The following SLC25A21 variants were observed in gnomAD, a reference collection of about 807,000 sequenced individuals.
SLC25A21 encodes solute carrier family 25 member 21.
SLC25A21 carries 47 observed loss-of-function variants against 43.8 expected under a neutral mutation model. That is an observed-to-expected ratio of 1.07 (90% CI 0.85 to 1.37). The LOEUF is 1.37. Ranked by LOEUF, SLC25A21 falls within the 40% of genes most tolerant of loss-of-function variation. The pLI, the probability that SLC25A21 is intolerant of heterozygous loss-of-function variation, is 0.00. For synonymous variants in SLC25A21, 131 were observed against 121.3 expected (o/e 1.08, Z -0.52); for missense variants, 352 against 350.2 (o/e 1.00, Z -0.04).
At chr14:36,776,268 G>A (rs1479445426) in intron 3 of SLC25A21, among the ~76,000 whole-genome samples, 1 of 98,510 alleles carries the variant, frequency 1.0e-5, no homozygotes, top group African/African-American at 4.8e-5. Flanking sequence ...ATGGAGTCTC[G>A]CTTTGTGGCC....
At chr14:36,762,624 T>C (rs1886203795) in intron 3 of SLC25A21, among the ~76,000 whole-genome samples, 1 of 152,242 alleles carries the variant, frequency 6.6e-6, no homozygotes. Flanking sequence ...CTATCAAGCA[T>C]TTAAATCTGG....
chr14:37,122,465 A>G (rs781576172), intron 1 of SLC25A21, among the ~76,000 whole-genome samples: 7 of 152,212 alleles, frequency 4.6e-5, no homozygotes, highest in Non-Finnish European at 8.8e-5. Flanking sequence ...AAAAATGGCC[A>G]GGACTCAATT....
At chr14:36,821,424 C>T (rs997195726) in intron 2 of SLC25A21, among the ~76,000 whole-genome samples, 3 of 152,154 alleles carry the variant, frequency 2.0e-5, no homozygotes, top group Non-Finnish European at 2.9e-5. Context: ...ATGTCCATAG[C>T]TTTACTCTTC....
At chr14:37,082,873 G>C (rs879800059) in intron 1 of SLC25A21, among the ~76,000 whole-genome samples, 12 of 152,208 alleles carry the variant, frequency 7.9e-5, no homozygotes, top group Admixed American at 5.9e-4. Context: ...TTTGAACTTT[G>C]CTTTCAACAC....
At chr14:37,062,802 A>G (rs1454221121) in intron 1 of SLC25A21, among the ~76,000 whole-genome samples, 1 of 152,164 alleles carries the variant, frequency 6.6e-6, no homozygotes, top group African/African-American at 2.4e-5. Context: ...GGTGTAATAG[A>G]GAGGCTATCT....
intron 1 of SLC25A21, among the ~76,000 whole-genome samples, chr14:37,066,703 T>C (rs1264566386): frequency 1.3e-5 from 2 of 152,098 alleles, no homozygotes; most frequent in Non-Finnish European, 1.5e-5. Context: ...TATATGTGTG[T>C]ATATACATGT....
At chr14:36,936,519 T>C (rs372843160) in intron 1 of SLC25A21, among the ~76,000 whole-genome samples, 50 of 152,284 alleles carry the variant, frequency 3.3e-4, no homozygotes, top group African/African-American at 1.2e-3. Context: ...GATAGAAATG[T>C]TGACAATGTA....
At chr14:37,103,823 T>G (rs1353143630) in intron 1 of SLC25A21, among the ~76,000 whole-genome samples, 1 of 152,212 alleles carries the variant, frequency 6.6e-6, no homozygotes, top group African/African-American at 2.4e-5. Context: ...CAGGATGAGC[T>G]TGGTACTGAA....
In SLC25A21 at chr14:36,680,512, A is replaced by AT. The variant is rs1298081964; in HGVS notation, c.*145dup. ...CTATAATCTCAAGTTGCCTATAGAC[A>AT]TTTTTTAAAGTATTAAAATAGATTT... On this transcript the variant is annotated 3_prime_UTR_variant, in exon 10 of 10. Transcript: ENST00000331299. 1 of 1,301,422 alleles carries AT rather than the reference A, an allele frequency of 7.7e-7. No individual in the cohort carries two copies. The highest frequency in any genetic ancestry group is 1.5e-5 in the African/African-American group (1 of 65,740). 80.6% of individuals were successfully genotyped at this position (1,301,422 alleles called of 1,614,324 possible).
chr14:37,057,512 C>A (rs1462651272), intron 1 of SLC25A21, among the ~76,000 whole-genome samples: 3 of 152,124 alleles, frequency 2.0e-5, no homozygotes, highest in African/African-American at 4.8e-5. Context: ...ATCTGAAAAT[C>A]GTGTGAAATT....
chr14:36,726,085 C>G (rs1884590535), intron 5 of SLC25A21, among the ~76,000 whole-genome samples: 1 of 152,064 alleles, frequency 6.6e-6, no homozygotes, highest in Non-Finnish European at 1.5e-5. Flanking sequence ...ATAAGAAATC[C>G]AAGGAGCACA....
chr14:36,786,641 ACT>A (rs2138389734), intron 3 of SLC25A21, among the ~76,000 whole-genome samples: 1 of 152,128 alleles, frequency 6.6e-6, no homozygotes, highest in South Asian at 2.1e-4. Flanking sequence ...TCCTGAAATC[ACT>A]CTAATTTTTT....
chr14:36,728,929 CA>C (rs1250972220), intron 5 of SLC25A21, among the ~76,000 whole-genome samples: 2 of 152,032 alleles, frequency 1.3e-5, no homozygotes, highest in Non-Finnish European at 2.9e-5. Flanking sequence ...GCAAAGTCAC[CA>C]AAAAGGAGGG....
chr14:36,724,447 A>G (rs1326100170), intron 6 of SLC25A21, among the ~76,000 whole-genome samples: 1 of 152,226 alleles, frequency 6.6e-6, no homozygotes, highest in Non-Finnish European at 1.5e-5. Flanking sequence ...TGCAGTAGGC[A>G]GGGAAACTTT....
Position 36,931,932 on chromosome 14 carries a change from C to T in SLC25A21, c.71-56928G>A, listed in dbSNP as rs78137011. ...TGAACTTTGAGCTAGAGACATTTTG[C>T]AAATCAAGGGATATAGTGCTTACAA... On this transcript the variant is annotated intron_variant, in intron 1 of 9. Coordinates refer to ENST00000331299, the MANE Select transcript of SLC25A21 (RefSeq NM_030631.4). 1.9e-3 allele frequency among the ~76,000 whole-genome samples: 286 copies of T among 152,160 alleles called. 2 individuals carry two copies. Among genetic ancestry groups the T allele is most frequent in the African/African-American group, 6.4e-3 (264 of 41,522 alleles).
intron 7 of SLC25A21, among the ~76,000 whole-genome samples, chr14:36,709,277 C>T (rs548655007): frequency 2.6e-5 from 4 of 152,246 alleles, no homozygotes; most frequent in South Asian, 2.1e-4. Context: ...TTAGAAGAGA[C>T]GAGCCCCATG....
intron 1 of SLC25A21, among the ~76,000 whole-genome samples, chr14:36,982,776 T>G (rs1459781992): frequency 6.6e-6 from 1 of 152,082 alleles, no homozygotes; most frequent in East Asian, 1.9e-4. Flanking sequence ...ACGGCGACAC[T>G]GCACTCCAGC....
At chr14:37,117,556 T>C (rs527858721) in intron 1 of SLC25A21, among the ~76,000 whole-genome samples, 1 of 152,178 alleles carries the variant, frequency 6.6e-6, no homozygotes, top group African/African-American at 2.4e-5. Flanking sequence ...AGTAATTTAA[T>C]AGTATCCTGG....
intron 1 of SLC25A21, among the ~76,000 whole-genome samples, chr14:36,970,183 T>C (rs1335763008): frequency 6.6e-6 from 1 of 152,156 alleles, no homozygotes; most frequent in Admixed American, 6.5e-5. Context: ...AGGATTGTGA[T>C]CACCGCCATA....
Sources: gnomAD v4.1 joint callset for allele counts (sites outside exome capture counted in the v4.1 genomes callset) on GRCh38, gnomAD v4.1.1 for gene constraint, MANE v1.5 for transcripts, NCBI Gene and HGNC (gene_info 2026-07-23, HGNC 2026-07-21) for gene names.